The following FBN3 variants were observed in gnomAD, a reference collection of about 807,000 sequenced individuals.
FBN3 encodes the protein fibrillin 3, also known as fibrillin-3.
In FBN3, 234 loss-of-function variants were observed where a neutral mutation model predicts 330.1. The ratio of observed to expected loss-of-function variants is 0.71; its 90% CI spans 0.64 to 0.79. The LOEUF is 0.79. Ranked by LOEUF, FBN3 falls within the 30% of genes least tolerant of loss-of-function variation. The pLI, the probability that FBN3 is intolerant of heterozygous loss-of-function variation, is 0.00. For missense variants in FBN3, 3,606 were observed against 3,886.9 expected, an observed-to-expected ratio of 0.93 and a Z score of 1.92; for synonymous variants, 1,458 against 1,517.3, an observed-to-expected ratio of 0.96 and a Z score of 0.91.
At chr19:8,105,695 G>T (rs1427240635) in intron 38 of FBN3, among the ~76,000 whole-genome samples, 1 of 152,190 alleles carries the variant, frequency 6.6e-6, no homozygotes, top group African/African-American at 2.4e-5. Flanking sequence ...TGGTAAGAGT[G>T]ATGTCACCAA....
In FBN3 at chr19:8,087,847, C is replaced by T; in HGVS notation, c.6597G>A (p.Arg2199=). The part of the protein sequence containing the change: ...LCTCPAGYTL[R]EDGAMCRDVD... ...TACCTCGACACATGGCCCCATCCTC[C>T]CGCAGGGTGTAGCCGGCTGGACAGG... The change falls in exon 53 of 64, where the codon CGG becomes CGA. Residue 2199 remains arginine (R), a synonymous_variant. Transcript: ENST00000600128. 6.2e-7 allele frequency: 1 copy of T among 1,614,104 alleles called. No individual in the cohort carries two copies. Among genetic ancestry groups the T allele is most frequent in the Non-Finnish European group, 8.5e-7 (1 of 1,180,006 alleles).
rs201566165 is a variant in FBN3, at chr19:8,087,070, C to T, written c.6754+7G>A. Reference sequence around the variant, plus strand: ...TCCTGCACCCATGAAGCTCCAGTGCCCCATACCTGTGCAGCCCTCCCCAGA... The same window carrying T: ...TCCTGCACCCATGAAGCTCCAGTGCTCCATACCTGTGCAGCCCTCCCCAGA... On this transcript the variant is annotated splice_region_variant and intron_variant, in intron 54 of 63. Coordinates refer to ENST00000600128, the MANE Select transcript of FBN3 (RefSeq NM_032447.5). 128 of 1,606,488 alleles carry T rather than the reference C, an allele frequency of 8.0e-5. No individual in the cohort carries two copies. The African/African-American group carries it at 1.5e-3, about 18-fold the overall frequency.
At chr19:8,077,621 A>G (rs1384456416) in intron 59 of FBN3, among the ~76,000 whole-genome samples, 1 of 152,178 alleles carries the variant, frequency 6.6e-6, no homozygotes, top group Non-Finnish European at 1.5e-5. Context: ...CCTGGGCGAC[A>G]GAGTGAGACT....
intron 45 of FBN3, 125 bp downstream of exon 45, chr19:8,095,839 T>A: frequency 1.6e-6 from 1 of 642,354 alleles, no homozygotes; most frequent in Admixed American, 2.7e-5. Flanking sequence ...TATTTAGGAG[T>A]ATGTTATTTA....
At chr19:8,135,936 G>GGGGGGGGGGGCGGCCCCCC in intron 13 of FBN3, 25 bp downstream of exon 13, 1 of 668,778 alleles carries the variant, frequency 1.5e-6, no homozygotes. Context: ...GGAAGCCCCT[G>GGGGGGGGGGGCGGCCCCCC]CCCACCCGCC....
At position 8,094,482 on chromosome 19, in the gene FBN3, G is replaced by T. The variant is rs150456985; in HGVS notation, c.5869C>A (p.Pro1957Thr). 2.0e-4 allele frequency: 330 copies of T among 1,613,712 alleles called. No homozygotes were observed. Among genetic ancestry groups the T allele is most frequent in the Non-Finnish European group, 2.7e-4 (319 of 1,179,844 alleles). The change falls in exon 47 of 64, where the codon CCC becomes ACC. Residue 1957 changes from proline (P) to threonine (T), a missense_variant. Physicochemically the swap from Pro to Thr is conservative, Grantham distance 38 (BLOSUM62 -1). Coordinates refer to ENST00000600128, the MANE Select transcript of FBN3 (RefSeq NM_032447.5). ...TCACTCTGCACCTGGAAGCCAGGGG[G>T]ACAGATGCAGCGGAAGGAGCCCTCG... ...NLEGSFRCIC[P>T]PGFQVQSDHC...
intron 37 of FBN3, among the ~76,000 whole-genome samples, chr19:8,107,050 G>A (rs2082454984): frequency 6.6e-6 from 1 of 151,358 alleles, no homozygotes; most frequent in Non-Finnish European, 1.5e-5. Flanking sequence ...ATGGATACAA[G>A]GATAGCAGAG....
Position 8,075,155 on chromosome 19 carries a change from G to A in FBN3, c.7618C>T (p.His2540Tyr). ...NECDGPHRCQ[H>Y]GCQNQLGGYR... ...CCCCCTAGCTGGTTCTGACAGCCAT[G>A]CTGGCAGCGGTGGGGCCCATCACAT... is the stretch of plus-strand genomic sequence containing the variant. The change falls in exon 61 of 64, where the codon CAT becomes TAT. Residue 2540 changes from histidine to tyrosine, a missense_variant. Coordinates refer to ENST00000600128, the MANE Select transcript of FBN3 (RefSeq NM_032447.5). 1 of 1,574,570 alleles carries A rather than the reference G, an allele frequency of 6.4e-7. No individual in the cohort carries two copies. The highest frequency in any genetic ancestry group is 8.6e-7 in the Non-Finnish European group (1 of 1,159,384).
rs984260059 is a variant in FBN3 at position 8,132,984 on chromosome 19, C to T, written c.1714G>A (p.Asp572Asn). The change falls in exon 14 of 64, where the codon GAC becomes AAC. Residue 572 changes from aspartate (D) to asparagine (N), a missense_variant and splice_region_variant. Transcript: ENST00000600128. ...LLAPGGHYCM[D>N]IDECQTPGIC... ...CTGGCCAGTCTGGCTCCAGGCTCAC[C>T]CATGCAGTAGTGGCCGCCAGGCGCC... 25 of 1,555,042 alleles carry T rather than the reference C, an allele frequency of 1.6e-5. No homozygotes were observed. Among genetic ancestry groups the T allele is most frequent in the East Asian group, 4.7e-5 (2 of 42,310 alleles).
chr19:8,108,004 AAC>A (rs1340098000), intron 37 of FBN3, among the ~76,000 whole-genome samples, 164 bp downstream of exon 37: 1 of 152,162 alleles, frequency 6.6e-6, no homozygotes, highest in African/African-American at 2.4e-5. Context: ...AAAAAAATTA[AAC>A]ACAAACTAAA....
At chr19:8,141,576 T>C in intron 8 of FBN3, 141 bp downstream of exon 8, 3 of 934,166 alleles carry the variant, frequency 3.2e-6, no homozygotes, top group Non-Finnish European at 4.8e-6. Context: ...GAGACACTCA[T>C]TCACATCTAC....
rs1371598799 is a variant in FBN3, at chr19:8,123,879, C to T, written c.2861G>A (p.Cys954Tyr). Residue 954 changes from cysteine to tyrosine, a missense_variant, in exon 23 of 64, where the codon TGC becomes TAC. Transcript: ENST00000600128. Reference sequence around the variant, plus strand: ...GAACTCCAGAGACTCGGGATCCGGGCAGGCCTCGCACTCGACTCCCCACAC... The same window carrying T: ...GAACTCCAGAGACTCGGGATCCGGGTAGGCCTCGCACTCGACTCCCCACAC... The part of the protein sequence containing the change: ...GAVWGVECEA[C>Y]PDPESLEFAS... 6.2e-7 allele frequency: 1 copy of T among 1,613,440 alleles called. No individual in the cohort carries two copies. Among genetic ancestry groups the T allele is most frequent in the African/African-American group, 1.3e-5 (1 of 74,938 alleles).
rs764763162 is a variant in FBN3, at chr19:8,088,030, G to A, written c.6496+30C>T. On this transcript the variant is annotated intron_variant, in intron 52 of 63. Coordinates refer to ENST00000600128, the MANE Select transcript of FBN3 (RefSeq NM_032447.5). The stretch of plus-strand genomic sequence containing the variant: ...CCTCCCCCAGGCATCTCCGTCACAC[G>A]GCCCAGGTCCTGGGCAAGCAGAGTT... 31 of 1,613,968 alleles carry A rather than the reference G, an allele frequency of 1.9e-5. No individual in the cohort carries two copies. The Admixed American group carries it at 2.3e-4, about 12-fold the overall frequency.
At chr19:8,078,953 G>T (rs1165880064) in intron 59 of FBN3, among the ~76,000 whole-genome samples, 3 of 151,746 alleles carry the variant, frequency 2.0e-5, no homozygotes, top group African/African-American at 7.3e-5. Flanking sequence ...AGCTAATTTT[G>T]TATTTTTTGT....
chr19:8,143,528 G>A (rs1326561191), intron 6 of FBN3, among the ~76,000 whole-genome samples: 2 of 116,366 alleles, frequency 1.7e-5, no homozygotes, highest in Admixed American at 1.1e-4. Context: ...ACAGGGTTTC[G>A]CTCTGTCTTC....
rs890028063 is a variant in FBN3, at chr19:8,149,123, G to A, written c.-18+326C>T. On this transcript the variant is annotated intron_variant, in intron 1 of 63. Transcript: ENST00000600128. The surrounding 1 kb of genome is among the most constrained non-coding windows in gnomAD (Gnocchi z 5.5). Reference sequence around the variant, plus strand: ...GCGAGGGATACCAAGCTTCGCCGACGGGGAGGGGGCGCCCCCGGAGCCCGC... The same window carrying A: ...GCGAGGGATACCAAGCTTCGCCGACAGGGAGGGGGCGCCCCCGGAGCCCGC... Among the ~76,000 whole-genome samples, 4 of 152,090 alleles carry A rather than the reference G, an allele frequency of 2.6e-5. No homozygotes were observed. The highest frequency in any genetic ancestry group is 9.7e-5 in the African/African-American group (4 of 41,440).
At chr19:8,083,735 C>T (rs1043568002) in intron 56 of FBN3, among the ~76,000 whole-genome samples, 3 of 152,036 alleles carry the variant, frequency 2.0e-5, no homozygotes, top group African/African-American at 7.2e-5. Context: ...CGCCAACACT[C>T]AGGGACTCCC....
chr19:8,087,823 A>G lies in FBN3; in HGVS notation c.6619+2T>C, dbSNP rs755175123. The G allele has an allele frequency of 6.2e-7, 1 of 1,613,238 alleles. No individual in the cohort carries two copies. Among genetic ancestry groups the G allele is most frequent in the South Asian group, 1.1e-5 (1 of 91,052 alleles). On this transcript the variant is annotated splice_donor_variant, in intron 53 of 63. Coordinates refer to ENST00000600128, the MANE Select transcript of FBN3 (RefSeq NM_032447.5). LOFTEE classifies it high-confidence loss of function. ...GGGTTTTACCATATTAGTCAGGCCT[A>G]CCTCGACACATGGCCCCATCCTCCC... is the stretch of plus-strand genomic sequence containing the variant.
chr19:8,101,285 T>C (rs2082323109), intron 40 of FBN3, among the ~76,000 whole-genome samples: 1 of 152,068 alleles, frequency 6.6e-6, no homozygotes, highest in South Asian at 2.1e-4. Flanking sequence ...CCACGACGTC[T>C]GGTTTTTAAA....
Sources: allele counts gnomAD v4.1 joint callset (sites outside exome capture counted in the v4.1 genomes callset), GRCh38; gene constraint gnomAD v4.1.1; non-coding constraint Gnocchi (gnomAD v3.1); transcripts MANE v1.5; gene names NCBI Gene and HGNC (gene_info 2026-07-23, HGNC 2026-07-21).